The following SYNDIG1 variants were observed in gnomAD, a reference collection of about 807,000 sequenced individuals.
The protein encoded by SYNDIG1 is synapse differentiation-inducing gene protein 1.
SYNDIG1 carries 9 observed loss-of-function variants against 19.4 expected under a neutral mutation model. That is an observed-to-expected ratio of 0.46 (90% CI 0.28 to 0.81). SYNDIG1 has a LOEUF of 0.81. Ranked by LOEUF, SYNDIG1 falls within the 30% of genes least tolerant of loss-of-function variation. SYNDIG1 has a pLI of 0.12. For synonymous variants in SYNDIG1, 141 were observed against 145.9 expected (o/e 0.97, Z 0.24); for missense variants, 311 against 343.3 (o/e 0.91, Z 0.74).
intron 3 of SYNDIG1, among the ~76,000 whole-genome samples, chr20:24,597,992 G>A (rs918518172): frequency 6.6e-6 from 1 of 152,148 alleles, no homozygotes; most frequent in Non-Finnish European, 1.5e-5. Context: ...GACATCAATC[G>A]TTTTTTCAGA....
chr20:24,665,005 A>G (rs184637032), intron 3 of SYNDIG1, among the ~76,000 whole-genome samples: 46 of 152,312 alleles, frequency 3.0e-4, no homozygotes, highest in Non-Finnish European at 5.4e-4. Flanking sequence ...GAGGAGTCTT[A>G]TCTAGCCCAT....
intron 1 of SYNDIG1, among the ~76,000 whole-genome samples, chr20:24,536,396 A>G (rs1332460824): frequency 6.6e-6 from 1 of 152,138 alleles, no homozygotes; most frequent in Non-Finnish European, 1.5e-5. Flanking sequence ...TCTCCAAGCA[A>G]GAAAGGCCCC....
intron 1 of SYNDIG1, among the ~76,000 whole-genome samples, chr20:24,521,961 C>G (rs1402796812): frequency 6.6e-6 from 1 of 151,978 alleles, no homozygotes; most frequent in Non-Finnish European, 1.5e-5. Context: ...AACCTTTCCC[C>G]TTGGCCCCTA....
At chr20:24,571,486 TAC>T (rs1464129095) in intron 2 of SYNDIG1, among the ~76,000 whole-genome samples, 8 of 152,188 alleles carry the variant, frequency 5.3e-5, no homozygotes, top group East Asian at 1.9e-4. Flanking sequence ...TATATATATA[TAC>T]ACACACACAA....
intron 3 of SYNDIG1, among the ~76,000 whole-genome samples, chr20:24,593,847 A>G (rs576173252): frequency 6.6e-6 from 1 of 152,178 alleles, no homozygotes. Flanking sequence ...TTGAAAAAAA[A>G]TCCATCGTGT....
intron 1 of SYNDIG1, among the ~76,000 whole-genome samples, chr20:24,517,023 C>G (rs908010340): frequency 6.6e-6 from 1 of 152,032 alleles, no homozygotes; most frequent in African/African-American, 2.4e-5. Flanking sequence ...AAGCTGGAAA[C>G]CATCATTCTC....
chr20:24,517,787 T>G (rs1361039601), intron 1 of SYNDIG1, among the ~76,000 whole-genome samples: 2 of 146,314 alleles, frequency 1.4e-5, no homozygotes, highest in Non-Finnish European at 3.0e-5. Context: ...ACACACATTT[T>G]TTTTGAAAAA....
chr20:24,494,048 A>G (rs2056230554), intron 1 of SYNDIG1, among the ~76,000 whole-genome samples: 1 of 152,014 alleles, frequency 6.6e-6, no homozygotes, highest in Admixed American at 6.6e-5. Flanking sequence ...TCCCGGCCAC[A>G]CCCCTGCTCG....
chr20:24,642,935 C>A (rs891298945), intron 3 of SYNDIG1, among the ~76,000 whole-genome samples: 3 of 152,074 alleles, frequency 2.0e-5, no homozygotes, highest in Non-Finnish European at 4.4e-5. Context: ...ATGTATGTAT[C>A]CTCATGCCAT....
At chr20:24,654,031 C>T (rs977456064) in intron 3 of SYNDIG1, among the ~76,000 whole-genome samples, 6 of 152,212 alleles carry the variant, frequency 3.9e-5, no homozygotes, top group Non-Finnish European at 7.3e-5. Flanking sequence ...GAACAAAATT[C>T]AGCCTATAAT....
chr20:24,663,788 T>C (rs541204833), intron 3 of SYNDIG1, among the ~76,000 whole-genome samples: 2 of 152,298 alleles, frequency 1.3e-5, no homozygotes, highest in Admixed American at 1.3e-4. Context: ...TGCATAGCCC[T>C]GGGGATGGCA....
intron 1 of SYNDIG1, among the ~76,000 whole-genome samples, chr20:24,541,956 C>T (rs1426650586): frequency 6.6e-6 from 1 of 151,966 alleles, no homozygotes. Flanking sequence ...GAACCCAGGC[C>T]CAGGGAAAGG....
rs1322021936 is a variant in SYNDIG1, at chr20:24,582,026, C to T, written c.481-2830C>T. The stretch of plus-strand genomic sequence containing the variant: ...GCATGTCCCACCCCCTGCATGTCCT[C>T]CCCCCGCACATCCTCTCCGCTGCAT... On this transcript the variant is annotated intron_variant, in intron 2 of 3. Coordinates refer to ENST00000376862, the MANE Select transcript of SYNDIG1 (RefSeq NM_024893.3). Among the ~76,000 whole-genome samples the T allele has an allele frequency of 3.2e-5, 4 of 125,552 alleles. No individual in the cohort carries two copies. In the South Asian group the frequency reaches 9.2e-4, roughly 29 times the overall value. 82.4% of individuals were successfully genotyped at this position (125,552 alleles called of 152,430 possible). A position where few individuals can be genotyped will look rare whatever the true frequency, so the allele number is the denominator to read the frequency against.
intron 3 of SYNDIG1, among the ~76,000 whole-genome samples, chr20:24,588,788 A>G (rs541542759): frequency 1.3e-5 from 2 of 152,344 alleles, no homozygotes; most frequent in South Asian, 4.1e-4. Context: ...GCTGTCTTAC[A>G]TGCATTATCT....
intron 3 of SYNDIG1, among the ~76,000 whole-genome samples, chr20:24,643,823 G>T (rs2059401009): frequency 6.6e-6 from 1 of 152,202 alleles, no homozygotes; most frequent in Admixed American, 6.5e-5. Flanking sequence ...GCTCTAAGAA[G>T]AAATACAGCT....
chr20:24,658,084 C>G lies in SYNDIG1; in HGVS notation c.619-7262C>G, dbSNP rs527500960. On this transcript the variant is annotated intron_variant, in intron 3 of 3. Transcript: ENST00000376862. This position sits in a 1 kb window ranked among gnomAD's most constrained non-coding sequence, Gnocchi z 4.4. ...GACTGTGGAAACAGCGACCTTGCCC[C>G]TAAAAACTGACTGCAGGAGAAACAA... Among the ~76,000 whole-genome samples the G allele has an allele frequency of 6.6e-6, 1 of 151,798 alleles. No individual in the cohort carries two copies. The highest frequency in any genetic ancestry group is 2.1e-4 in the South Asian group (1 of 4,706).
At chr20:24,557,579 C>G (rs2057848037) in intron 2 of SYNDIG1, among the ~76,000 whole-genome samples, 1 of 152,200 alleles carries the variant, frequency 6.6e-6, no homozygotes, top group Admixed American at 6.5e-5. Flanking sequence ...ACTCCAGACC[C>G]TGTTTGCCTG....
intron 3 of SYNDIG1, among the ~76,000 whole-genome samples, chr20:24,654,946 C>G (rs2059510199): frequency 6.6e-6 from 1 of 152,218 alleles, no homozygotes; most frequent in Admixed American, 6.5e-5. Flanking sequence ...GTCAGTCAAA[C>G]ATGGCAATAG....
intron 1 of SYNDIG1, among the ~76,000 whole-genome samples, chr20:24,525,504 G>C (rs1031473354): frequency 6.6e-6 from 1 of 151,868 alleles, no homozygotes; most frequent in African/African-American, 2.4e-5. Context: ...GGCTGGTCTC[G>C]AACTCCTGAC....
Sources: gnomAD v4.1 joint callset for allele counts (sites outside exome capture counted in the v4.1 genomes callset) on GRCh38, gnomAD v4.1.1 for gene constraint, Gnocchi (gnomAD v3.1) non-coding constraint, MANE v1.5 for transcripts, NCBI Gene and HGNC (gene_info 2026-07-23, HGNC 2026-07-21) for gene names.